NRP1: variants seen among roughly 807,000 people sequenced by gnomAD.
The protein encoded by NRP1 is neuropilin 1, also known as neuropilin-1.
Under a neutral mutation model 106.7 loss-of-function variants are expected in NRP1, and 35 were observed. The observed-to-expected ratio is 0.33, with a 90% CI of 0.25 to 0.43. The LOEUF is 0.43. Among genes scored for constraint, NRP1 ranks in the 20% least tolerant of loss-of-function variants. NRP1 has a pLI of 1.00. For missense variants in NRP1, 1,024 were observed against 1,170.4 expected (o/e 0.87, Z 1.83); for synonymous variants, 437 against 417.9 (o/e 1.05, Z -0.56).
In NRP1 at chr10:33,334,471, A is replaced by G; in HGVS notation, c.-89T>C. On this transcript the variant is annotated 5_prime_UTR_variant, in exon 1 of 17. Coordinates refer to ENST00000374867, the MANE Select transcript of NRP1 (RefSeq NM_003873.7). Reference sequence around the variant, plus strand: ...AGAGGAGAATCTAAGCGATCCGAAGAGCCCCAACTCCGCCTAGAGCTGTAC... The same window carrying G: ...AGAGGAGAATCTAAGCGATCCGAAGGGCCCCAACTCCGCCTAGAGCTGTAC... 1 of 1,169,348 alleles carries G rather than the reference A, an allele frequency of 8.6e-7. No homozygotes were observed. The allele number at this position is 1,169,348 out of a possible 1,614,324, so 72.4% of individuals were successfully genotyped here. A position where few individuals can be genotyped will look rare whatever the true frequency, so the allele number is the denominator to read the frequency against.
At position 33,263,708 on chromosome 10, in the gene NRP1, T is replaced by G. The variant is rs1486129684; in HGVS notation, c.596A>C (p.Asn199Thr). ...GCGACAGAACATCCCCCCTGGAGGA[T>G]TTGAGTCAGGCTCCAGGTCAAAGCT... ...FESFDLEPDSNPPGGMFCRYD... is the reference protein window; with the variant it reads ...FESFDLEPDSTPPGGMFCRYD... The change falls in exon 4 of 17, where the codon AAT becomes ACT. Residue 199 changes from asparagine to threonine, a missense_variant. Asn to Thr is a moderately conservative substitution (Grantham distance 65, BLOSUM62 0). Transcript: ENST00000374867. The G allele has an allele frequency of 6.2e-7, 1 of 1,614,148 alleles. No homozygotes were observed. Among genetic ancestry groups the G allele is most frequent in the East Asian group, 2.2e-5 (1 of 44,870 alleles).
chr10:33,259,554 C>T (rs1842438061), intron 4 of NRP1, among the ~76,000 whole-genome samples: 1 of 151,984 alleles, frequency 6.6e-6, no homozygotes, highest in Admixed American at 6.5e-5. Context: ...AAAATGGTCA[C>T]AAAAACAGAA....
chr10:33,245,416 G>A (rs1191758568), intron 6 of NRP1, among the ~76,000 whole-genome samples: 1 of 152,148 alleles, frequency 6.6e-6, no homozygotes, highest in Non-Finnish European at 1.5e-5. Context: ...AAAAGATTAT[G>A]CAAATCAAAA....
At chr10:33,331,568 G>A (rs1431344114) in intron 1 of NRP1, among the ~76,000 whole-genome samples, 1 of 152,194 alleles carries the variant, frequency 6.6e-6, no homozygotes, top group African/African-American at 2.4e-5. Context: ...AAAGTAAATA[G>A]CCACATGGCA....
chr10:33,296,504 T>C (rs1168855576), intron 2 of NRP1, among the ~76,000 whole-genome samples: 1 of 152,224 alleles, frequency 6.6e-6, no homozygotes, highest in Non-Finnish European at 1.5e-5. Flanking sequence ...GCAGGAGGTC[T>C]GGATACAGAC....
chr10:33,247,530 G>C (rs1018355140), intron 6 of NRP1, among the ~76,000 whole-genome samples: 1 of 152,216 alleles, frequency 6.6e-6, no homozygotes, highest in African/African-American at 2.4e-5. Context: ...CCCTGGGGCC[G>C]AGGGTGGCAA....
chr10:33,300,351 G>A (rs1009272929), intron 2 of NRP1, among the ~76,000 whole-genome samples: 1 of 152,228 alleles, frequency 6.6e-6, no homozygotes, highest in African/African-American at 2.4e-5. Flanking sequence ...GTGCATCTGT[G>A]TCAGAAAGAA....
chr10:33,221,403 C>T (rs752258313), intron 8 of NRP1, among the ~76,000 whole-genome samples: 5 of 152,090 alleles, frequency 3.3e-5, no homozygotes, highest in African/African-American at 9.7e-5. Context: ...CCAGGCTGTG[C>T]TACGTGCTTA....
At chr10:33,255,881 A>G (rs1004851920) in intron 5 of NRP1, among the ~76,000 whole-genome samples, 2 of 152,336 alleles carry the variant, frequency 1.3e-5, no homozygotes, top group Non-Finnish European at 2.9e-5. Context: ...TTCCCCCAGC[A>G]TCTTCCACAA....
At chr10:33,206,612 G>A (rs565634164) in intron 10 of NRP1, among the ~76,000 whole-genome samples, 21 of 152,296 alleles carry the variant, frequency 1.4e-4, no homozygotes, top group Admixed American at 6.5e-5. Context: ...ACATTAAAAA[G>A]CATTCTTCAA....
At chr10:33,197,987 C>T (rs1836915851) in intron 11 of NRP1, among the ~76,000 whole-genome samples, 1 of 149,554 alleles carries the variant, frequency 6.7e-6, no homozygotes, top group Non-Finnish European at 1.5e-5. Flanking sequence ...ATATTTATGG[C>T]ATACAACGTG....
intron 2 of NRP1, among the ~76,000 whole-genome samples, chr10:33,285,535 G>A (rs1844461520): frequency 6.6e-6 from 1 of 152,108 alleles, no homozygotes; most frequent in South Asian, 2.1e-4. Flanking sequence ...TCTCATCCTT[G>A]CTCAAAACCC....
At chr10:33,201,028 C>T (rs1837261512) in intron 11 of NRP1, 1 of 151,930 alleles carries the variant, frequency 6.6e-6, no homozygotes, top group Non-Finnish European at 1.5e-5. Flanking sequence ...TTTTTTTCAC[C>T]ATGCTAATAT....
At chr10:33,189,142 A>T in intron 13 of NRP1, among the ~76,000 whole-genome samples, 1 of 139,930 alleles carries the variant, frequency 7.1e-6, no homozygotes, top group East Asian at 2.0e-4. Flanking sequence ...CCTGCCAAAC[A>T]CACACACACA....
intron 2 of NRP1, among the ~76,000 whole-genome samples, chr10:33,277,369 G>A (rs2133348324): frequency 6.6e-6 from 1 of 152,320 alleles, no homozygotes; most frequent in South Asian, 2.1e-4. Context: ...GCAAGACTGA[G>A]ATGAAACAAG....
intron 2 of NRP1, among the ~76,000 whole-genome samples, chr10:33,320,107 G>A (rs1847383043): frequency 5.3e-5 from 8 of 151,802 alleles, no homozygotes; most frequent in Admixed American, 5.2e-4. Flanking sequence ...GAGGTCAGGA[G>A]TTTGAGACCA....
chr10:33,268,754 C>T (rs544395362), intron 3 of NRP1, among the ~76,000 whole-genome samples: 11 of 152,240 alleles, frequency 7.2e-5, no homozygotes, highest in South Asian at 2.1e-4. Context: ...TATACAGACA[C>T]GTATAATATG....
chr10:33,284,173 G>T (rs945509087), intron 2 of NRP1, among the ~76,000 whole-genome samples: 2 of 152,128 alleles, frequency 1.3e-5, no homozygotes, highest in Non-Finnish European at 2.9e-5. Context: ...AGAGAATGTT[G>T]TTCTTTACCT....
chr10:33,201,667 T>C (rs1237125957), intron 11 of NRP1: 1 of 152,194 alleles, frequency 6.6e-6, no homozygotes, highest in Non-Finnish European at 1.5e-5. Flanking sequence ...AGATTTGCAT[T>C]CAAAAGCTCA....
Sources: allele counts gnomAD v4.1 joint callset (sites outside exome capture counted in the v4.1 genomes callset), GRCh38; gene constraint gnomAD v4.1.1; transcripts MANE v1.5; gene names NCBI Gene and HGNC (gene_info 2026-07-23, HGNC 2026-07-21).